Variants in DDIAS observed in about 807,000 individuals in gnomAD.
DDIAS encodes DNA damage-induced apoptosis suppressor protein.
A neutral mutation model predicts 15.7 loss-of-function variants in DDIAS; 14 were observed. The ratio of observed to expected loss-of-function variants is 0.89; its 90% CI spans 0.59 to 1.39. The LOEUF is 1.39. Among genes scored for constraint, DDIAS ranks in the 40% most tolerant of loss-of-function variants. The pLI, the probability that DDIAS is intolerant of heterozygous loss-of-function variation, is 0.00. For missense variants in DDIAS, 1,035 were observed against 1,130.9 expected (o/e 0.92, Z 1.22); for synonymous variants, 355 against 395.9 (o/e 0.90, Z 1.23).
chr11:82,902,855 G>A lies in DDIAS; in HGVS notation c.-117+1033G>A, dbSNP rs151032077. Among the ~76,000 whole-genome samples the A allele has an allele frequency of 4.1e-4, 62 of 152,304 alleles. 1 individual carries two copies. The highest frequency in any genetic ancestry group is 1.3e-3 in the African/African-American group (55 of 41,566). On this transcript the variant is annotated intron_variant, in intron 1 of 5. Coordinates refer to ENST00000533655, the MANE Select transcript of DDIAS (RefSeq NM_145018.4). ...CTTTCGTCTGTGCCAAGAATTGCTA[G>A]GTACTGAGATCCAATGATGAACAAG...
intron 3 of DDIAS, among the ~76,000 whole-genome samples, chr11:82,915,091 G>A (rs1045661171): frequency 6.6e-6 from 1 of 152,206 alleles, no homozygotes; most frequent in Non-Finnish European, 1.5e-5. Context: ...TAACTTCTCA[G>A]AGAGTAAGTT....
intron 3 of DDIAS, among the ~76,000 whole-genome samples, chr11:82,915,102 C>G (rs1225297437): frequency 6.6e-6 from 1 of 152,162 alleles, no homozygotes; most frequent in Non-Finnish European, 1.5e-5. Flanking sequence ...AGAGTAAGTT[C>G]CAATACTGGG....
chr11:82,906,754 T>C (rs1052253431), intron 1 of DDIAS, among the ~76,000 whole-genome samples: 1 of 152,140 alleles, frequency 6.6e-6, no homozygotes, highest in Admixed American at 6.5e-5. Flanking sequence ...ATGTAAGTAA[T>C]GATTAAAATA....
At position 82,933,337 on chromosome 11, in the gene DDIAS, A is replaced by C; in HGVS notation, c.1999A>C (p.Ile667Leu). ...INNNVTQSYS[I>L]GYEGSYDASA... Reference sequence around the variant, plus strand: ...TAACAACGTAACACAGAGCTATTCTATTGGTTATGAAGGTAGCTATGATGC... The same window carrying C: ...TAACAACGTAACACAGAGCTATTCTCTTGGTTATGAAGGTAGCTATGATGC... Residue 667 changes from isoleucine (I) to leucine (L), a missense_variant, in exon 6 of 6, where the codon ATT (isoleucine) becomes CTT (leucine). Transcript: ENST00000533655. The C allele has an allele frequency of 1.2e-6, 2 of 1,614,054 alleles. No homozygotes were observed. Among genetic ancestry groups the C allele is most frequent in the Non-Finnish European group, 1.7e-6 (2 of 1,179,974 alleles).
At chr11:82,918,345 C>G (rs142059959) in intron 3 of DDIAS, among the ~76,000 whole-genome samples, 108 of 152,300 alleles carry the variant, frequency 7.1e-4, no homozygotes, top group African/African-American at 2.4e-3. Flanking sequence ...AAAGGGTGTC[C>G]TTTCCCCACT....
At chr11:82,922,056 T>C (rs528654639) in intron 3 of DDIAS, among the ~76,000 whole-genome samples, 52 of 152,318 alleles carry the variant, frequency 3.4e-4, no homozygotes, top group Middle Eastern at 3.4e-3. Flanking sequence ...TTCTAGCTTG[T>C]AGGGTTTCTG....
chr11:82,909,566 A>T (rs1860487351), intron 1 of DDIAS, among the ~76,000 whole-genome samples: 1 of 152,182 alleles, frequency 6.6e-6, no homozygotes, highest in Non-Finnish European at 1.5e-5. Context: ...ATCTTTCACA[A>T]AATTGTTGTA....
chr11:82,926,717 T>C (rs1401713661), intron 3 of DDIAS, among the ~76,000 whole-genome samples: 3 of 152,206 alleles, frequency 2.0e-5, no homozygotes, highest in East Asian at 1.9e-4. Context: ...TAACAAGATC[T>C]CTGGATGATT....
intron 1 of DDIAS, among the ~76,000 whole-genome samples, chr11:82,904,949 T>C (rs1344122438): frequency 3.3e-5 from 5 of 152,236 alleles, no homozygotes; most frequent in Admixed American, 3.3e-4. Flanking sequence ...TATACAAATA[T>C]GGGCTTCTGA....
At chr11:82,925,258 T>G (rs767469532) in intron 3 of DDIAS, among the ~76,000 whole-genome samples, 1 of 152,256 alleles carries the variant, frequency 6.6e-6, no homozygotes, top group Non-Finnish European at 1.5e-5. Flanking sequence ...TTTTGATTTC[T>G]CAGTTTTAAT....
At chr11:82,929,260 AAC>A in intron 4 of DDIAS, among the ~76,000 whole-genome samples, 1 of 152,340 alleles carries the variant, frequency 6.6e-6, no homozygotes, top group Admixed American at 6.5e-5. Flanking sequence ...TTAGCATTGA[AAC>A]AGTTAGGTTC....
chr11:82,914,456 C>T (rs547387494), intron 2 of DDIAS, among the ~76,000 whole-genome samples: 1 of 152,128 alleles, frequency 6.6e-6, no homozygotes, highest in Non-Finnish European at 1.5e-5. Flanking sequence ...GACATCTTTC[C>T]TGAATTACTG....
intron 1 of DDIAS, among the ~76,000 whole-genome samples, chr11:82,910,606 C>CTTTTT (rs869173859): frequency 1.3e-4 from 12 of 89,120 alleles, no homozygotes; most frequent in African/African-American, 3.7e-4. Flanking sequence ...CTCTCTCTCT[C>CTTTTT]TTTTTTTTTT....
Position 82,930,206 on chromosome 11 carries a change from A to C in DDIAS, c.325A>C (p.Thr109Pro). Residue 109 changes from threonine (T) to proline (P), a missense_variant, in exon 5 of 6, where the codon ACT becomes CCT. Transcript: ENST00000533655. ...TCCAGAAACACTGGACAATGATACAACTCAGAATCTATTAACTAAAGCAGT... is the reference window on the plus strand; with the variant it reads ...TCCAGAAACACTGGACAATGATACACCTCAGAATCTATTAACTAAAGCAGT... ...KIPETLDNDT[T>P]QNLLTKAVET... 1.2e-6 allele frequency: 2 copies of C among 1,604,372 alleles called. No homozygotes were observed. The highest frequency in any genetic ancestry group is 2.3e-5 in the East Asian group (1 of 44,344).
At chr11:82,908,246 G>A (rs1477876756) in intron 1 of DDIAS, among the ~76,000 whole-genome samples, 1 of 152,242 alleles carries the variant, frequency 6.6e-6, no homozygotes, top group East Asian at 1.9e-4. Flanking sequence ...GGAGCAGAAA[G>A]AAGGCCAGCA....
At chr11:82,913,907 C>T (rs1459544535) in intron 2 of DDIAS, 1 of 439,760 alleles carries the variant, frequency 2.3e-6, no homozygotes, top group Non-Finnish European at 4.5e-6. Flanking sequence ...ACATCTTATA[C>T]ACATAGTCTG....
chr11:82,922,514 C>G (rs1860774347), intron 3 of DDIAS: 1 of 152,110 alleles, frequency 6.6e-6, no homozygotes, highest in South Asian at 2.1e-4. Context: ...CTGGGACTTT[C>G]CAGAGCATTT....
chr11:82,916,287 CTAT>C (rs887865412), intron 3 of DDIAS, among the ~76,000 whole-genome samples: 1 of 152,088 alleles, frequency 6.6e-6, no homozygotes, highest in Non-Finnish European at 1.5e-5. Flanking sequence ...AAAGTGGTAG[CTAT>C]TATTATTATA....
At chr11:82,928,566 A>G (rs557576006) in intron 3 of DDIAS, among the ~76,000 whole-genome samples, 1 of 152,130 alleles carries the variant, frequency 6.6e-6, no homozygotes, top group East Asian at 1.9e-4. Flanking sequence ...ATTTCTATCA[A>G]CTTGGGGCTG....
Sources: allele counts gnomAD v4.1 joint callset (sites outside exome capture counted in the v4.1 genomes callset), GRCh38; gene constraint gnomAD v4.1.1; transcripts MANE v1.5; gene names NCBI Gene and HGNC (gene_info 2026-07-23, HGNC 2026-07-21).